The following RUVBL1 variants were observed in gnomAD, a reference collection of about 807,000 sequenced individuals.
The protein encoded by RUVBL1 is ruvB-like 1.
Under a neutral mutation model 52.4 loss-of-function variants are expected in RUVBL1, and 4 were observed. The ratio of observed to expected loss-of-function variants is 0.08; its 90% CI spans 0.04 to 0.17. RUVBL1 has a LOEUF of 0.17. Among genes scored for constraint, RUVBL1 ranks in the 10% least tolerant of loss-of-function variants. RUVBL1 has a pLI of 1.00. For missense variants in RUVBL1, 298 were observed against 572.8 expected, an observed-to-expected ratio of 0.52 and a Z score of 4.90; for synonymous variants, 217 against 214.4, an observed-to-expected ratio of 1.01 and a Z score of -0.10.
exon 1 of RUVBL1, chr3:128,153,398 G>A: frequency 7.1e-7 from 1 of 1,414,358 alleles, no homozygotes; most frequent in African/African-American, 1.5e-5. Flanking sequence ...GCCGGAACGG[G>A]TGTGCACAGC....
chr3:128,101,589 A>G lies in RUVBL1; in HGVS notation c.573T>C (p.Ile191=), dbSNP rs1401227971. The G allele has an allele frequency of 6.2e-7, 1 of 1,614,134 alleles. No homozygotes were observed. Among genetic ancestry groups the G allele is most frequent in the Non-Finnish European group, 8.5e-7 (1 of 1,180,028 alleles). The change falls in exon 5 of 11, where the codon ATT becomes ATC. Residue 191 remains isoleucine, a synonymous_variant. Transcript: ENST00000322623. ...CGGCCCCACTGTTGGCTTCAATGTA[A>G]ATCACATCTCCAGCTTCTACTCGCT... ...QKERVEAGDV[I]YIEANSGAVK... is the part of the protein sequence containing the mutation.
Position 128,100,585 on chromosome 3 carries a change from G to C in RUVBL1, c.753+10C>G. 2 of 1,586,656 alleles carry C rather than the reference G, an allele frequency of 1.3e-6. No individual in the cohort carries two copies. Among genetic ancestry groups the C allele is most frequent in the Non-Finnish European group, 1.7e-6 (2 of 1,168,130 alleles). ...TAATGTGCCAGATCACCCAGGCATC[G>C]AGGCAGTACCTGGGGCCGCGCATTA... On this transcript the variant is annotated intron_variant, in intron 6 of 10. Coordinates refer to ENST00000322623, the MANE Select transcript of RUVBL1 (RefSeq NM_003707.3).
At chr3:128,142,494 T>C (rs1176460095) in intron 1 of RUVBL1, among the ~76,000 whole-genome samples, 3 of 152,216 alleles carry the variant, frequency 2.0e-5, no homozygotes, top group Non-Finnish European at 4.4e-5. Flanking sequence ...AGTGTTTATA[T>C]TGGTTTCCTA....
chr3:128,094,636 C>A (rs1015323954), intron 8 of RUVBL1, among the ~76,000 whole-genome samples: 5 of 152,204 alleles, frequency 3.3e-5, no homozygotes, highest in African/African-American at 1.2e-4. Context: ...CTGGAGATAA[C>A]CTCAACTGCT....
chr3:128,099,616 A>G (rs1286234643), intron 6 of RUVBL1, among the ~76,000 whole-genome samples: 1 of 152,224 alleles, frequency 6.6e-6, no homozygotes, highest in East Asian at 1.9e-4. Context: ...CTAACAGTGC[A>G]GTCAGCAAGA....
intron 1 of RUVBL1, among the ~76,000 whole-genome samples, chr3:128,135,912 C>T (rs549609289): frequency 6.6e-6 from 1 of 152,114 alleles, no homozygotes; most frequent in South Asian, 2.1e-4. Context: ...CAAGACATGA[C>T]AGTATAATAA....
chr3:128,076,469 T>TG (rs1942329323), downstream of RUVBL1, among the ~76,000 whole-genome samples: 1 of 152,092 alleles, frequency 6.6e-6, no homozygotes, highest in Non-Finnish European at 1.5e-5. This position sits in a 1 kb window ranked among gnomAD's most constrained non-coding sequence, Gnocchi z 6.8. Flanking sequence ...ATGGGACCTG[T>TG]GGAAGGGTTT....
At chr3:128,077,252 G>C (rs1002902567), downstream of RUVBL1, among the ~76,000 whole-genome samples, 8 of 151,972 alleles carry the variant, frequency 5.3e-5, no homozygotes, top group African/African-American at 1.9e-4. Flanking sequence ...CCCCGTGGCC[G>C]GCCCACCCCT....
At chr3:128,094,946 A>G (rs753423079) in intron 8 of RUVBL1, among the ~76,000 whole-genome samples, 28 of 152,198 alleles carry the variant, frequency 1.8e-4, no homozygotes, top group Non-Finnish European at 3.7e-4. Context: ...TAGTGCCAAA[A>G]TTCTCTTCCA....
At chr3:128,105,045 G>A (rs1943191526) in intron 3 of RUVBL1, 121 bp from the exon 4 acceptor site, 10 of 995,162 alleles carry the variant, frequency 1.0e-5, no homozygotes, top group Non-Finnish European at 1.4e-5. Context: ...ATTCCAGGGT[G>A]TCATGATGGG....
downstream of RUVBL1, among the ~76,000 whole-genome samples, chr3:128,077,908 C>G (rs1942377382): frequency 6.6e-6 from 1 of 152,222 alleles, no homozygotes; most frequent in Admixed American, 6.5e-5. Context: ...CCTGATACAG[C>G]TACATGTGGG....
At chr3:128,097,215 T>C in intron 8 of RUVBL1, 85 bp downstream of exon 8, 7 of 1,333,196 alleles carry the variant, frequency 5.3e-6, no homozygotes, top group Non-Finnish European at 6.3e-6. Flanking sequence ...CTGTCCCACC[T>C]CATGGGGTTT....
At chr3:128,148,173 T>C (rs1167971395) in intron 1 of RUVBL1, among the ~76,000 whole-genome samples, 1 of 152,052 alleles carries the variant, frequency 6.6e-6, no homozygotes, top group Non-Finnish European at 1.5e-5. Flanking sequence ...GTGATGGTGA[T>C]TACCTGATAT....
intron 6 of RUVBL1, 134 bp downstream of exon 6, chr3:128,100,461 A>G: frequency 9.8e-7 from 1 of 1,019,844 alleles, no homozygotes; most frequent in Non-Finnish European, 1.4e-6. Flanking sequence ...GTCGATGTTA[A>G]TTGCTGAACA....
chr3:128,111,408 C>G (rs964943153), intron 3 of RUVBL1, among the ~76,000 whole-genome samples: 1 of 152,132 alleles, frequency 6.6e-6, no homozygotes, highest in African/African-American at 2.4e-5. Context: ...CCATTCTTCC[C>G]CATCTCCAAA....
upstream of RUVBL1, chr3:128,123,924 G>T: frequency 8.1e-7 from 1 of 1,239,740 alleles, no homozygotes; most frequent in Non-Finnish European, 1.0e-6. Context: ...CTAGAGCTCC[G>T]GTCACCCACT....
chr3:128,104,713 G>T, intron 4 of RUVBL1, 60 bp downstream of exon 4: 2 of 1,479,718 alleles, frequency 1.4e-6, no homozygotes, highest in Non-Finnish European at 1.8e-6. Context: ...TACACCACCT[G>T]CCCAAAGCCA....
intron 9 of RUVBL1, among the ~76,000 whole-genome samples, chr3:128,074,006 G>C (rs1942241122): frequency 1.3e-5 from 2 of 148,542 alleles, no homozygotes; most frequent in Admixed American, 6.7e-5. Flanking sequence ...TGTTTAAAAG[G>C]GGGGTAGGAA....
At chr3:128,150,527 C>G (rs1340427266) in intron 1 of RUVBL1, among the ~76,000 whole-genome samples, 2 of 143,562 alleles carry the variant, frequency 1.4e-5, no homozygotes, top group Non-Finnish European at 3.0e-5. Context: ...AATATACATC[C>G]ATATGTATAT....
Sources: gnomAD v4.1 joint callset for allele counts (sites outside exome capture counted in the v4.1 genomes callset) on GRCh38, gnomAD v4.1.1 for gene constraint, Gnocchi (gnomAD v3.1) non-coding constraint, MANE v1.5 for transcripts, NCBI Gene and HGNC (gene_info 2026-07-23, HGNC 2026-07-21) for gene names.